The following GPI variants were observed in gnomAD, a reference collection of about 807,000 sequenced individuals.
GPI encodes glucose-6-phosphate isomerase, also known as D-hexose-6-phosphate anomerase.
GPI carries 56 observed loss-of-function variants against 75.8 expected under a neutral mutation model. That is an observed-to-expected ratio of 0.74 (90% CI 0.60 to 0.92). GPI has a LOEUF of 0.92. GPI is among the 40% of genes least tolerant of loss of function. GPI has a pLI of 0.00. For synonymous variants in GPI, 288 were observed against 285.4 expected (o/e 1.01, Z -0.09); for missense variants, 638 against 741.0 (o/e 0.86, Z 1.61).
chr19:34,366,570 T>A (rs1407668004), intron 2 of GPI, 135 bp downstream of exon 2: 2 of 779,134 alleles, frequency 2.6e-6, no homozygotes, highest in Non-Finnish European at 4.7e-6. Flanking sequence ...TCTGTGCTGG[T>A]GAGGCACCTG....
At chr19:34,365,485 C>T (rs2074346756) in intron 1 of GPI, 97 bp downstream of exon 1, 2 of 1,501,104 alleles carry the variant, frequency 1.3e-6, no homozygotes, top group Admixed American at 2.0e-5. Flanking sequence ...TGCCCGGGGA[C>T]CCCAGTCCCC....
intron 9 of GPI, chr19:34,392,711 A>G (rs770307975): frequency 9.3e-5 from 5 of 53,730 alleles, no homozygotes; most frequent in Non-Finnish European, 1.6e-4. Flanking sequence ...GTGTGCAGGT[A>G]TGAGGCCTTG....
chr19:34,362,209 C>T (rs149781826), upstream of GPI, among the ~76,000 whole-genome samples: 278 of 151,516 alleles, frequency 1.8e-3, 1 homozygote, highest in East Asian at 0.041. Context: ...ATTGCTTGAA[C>T]CTGGGAGGTG....
In GPI at chr19:34,392,912, T is replaced by A. The variant is rs1356621570; in HGVS notation, c.805-336T>A. On this transcript the variant is annotated intron_variant, in intron 9 of 17. Coordinates refer to ENST00000356487, the MANE Select transcript of GPI (RefSeq NM_000175.5). ...GAGGAGGTGGGCCCTGGCGCAGGTA[T>A]GAGGCCCTGGGTGTGTCCGTGTCTG... is the stretch of plus-strand genomic sequence containing the variant. 4 of 377,910 alleles carry A rather than the reference T, an allele frequency of 1.1e-5. No individual in the cohort carries two copies. In the Admixed American group the frequency reaches 1.2e-4, roughly 11 times the overall value. 23.4% of individuals were successfully genotyped at this position (377,910 alleles called of 1,614,324 possible).
At chr19:34,390,560 G>T (rs1433242682) in intron 9 of GPI, among the ~76,000 whole-genome samples, 1 of 152,160 alleles carries the variant, frequency 6.6e-6, no homozygotes, top group Non-Finnish European at 1.5e-5. Flanking sequence ...TCTGGTACAA[G>T]TATGAGGCCC....
chr19:34,364,904 G>C (rs977563277), upstream of GPI: 1 of 1,419,022 alleles, frequency 7.0e-7, no homozygotes, highest in African/African-American at 1.4e-5. Flanking sequence ...GGAGTGCAGC[G>C]GCGCGATGGT....
chr19:34,378,860 A>T, intron 6 of GPI, 74 bp from the exon 7 acceptor site: 3 of 1,098,178 alleles, frequency 2.7e-6, no homozygotes, highest in Non-Finnish European at 2.8e-6. Context: ...CTTGGCCTCT[A>T]CTGCTGAACC....
chr19:34,399,080 C>T (rs2074984352), intron 14 of GPI, 127 bp from the exon 15 acceptor site: 1 of 788,754 alleles, frequency 1.3e-6, no homozygotes, highest in African/African-American at 1.7e-5. Context: ...CCCCCTCGCT[C>T]CAACTGAGCT....
Position 34,377,604 on chromosome 19 carries a change from T to C in GPI, c.486+18T>C. The C allele has an allele frequency of 6.2e-7, 1 of 1,605,490 alleles. No homozygotes were observed. The highest frequency in any genetic ancestry group is 8.5e-7 in the Non-Finnish European group (1 of 1,172,406). ...CCGACCTGGTGAGGAGAAAACTGCC[T>C]TGGGGTAGGGTGGGAGTCTGGGCAC... On this transcript the variant is annotated intron_variant, in intron 5 of 17. Coordinates refer to ENST00000356487, the MANE Select transcript of GPI (RefSeq NM_000175.5).
At chr19:34,399,453 C>A in intron 15 of GPI, 103 bp from the exon 16 acceptor site, 2 of 1,562,580 alleles carry the variant, frequency 1.3e-6, no homozygotes, top group Non-Finnish European at 1.8e-6. Context: ...AGGGCCTGTC[C>A]TCACAGACCT....
intron 6 of GPI, 118 bp downstream of exon 6, chr19:34,377,999 G>C: frequency 3.9e-6 from 4 of 1,030,230 alleles, no homozygotes; most frequent in African/African-American, 1.6e-5. Context: ...AGTGAACCAT[G>C]GTTTGTGGAT....
intron 12 of GPI, among the ~76,000 whole-genome samples, chr19:34,395,523 CAG>C (rs1349734771): frequency 6.6e-6 from 1 of 152,146 alleles, no homozygotes; most frequent in East Asian, 1.9e-4. Context: ...GCCTGAGTGA[CAG>C]AGTGAGACTC....
intron 9 of GPI, among the ~76,000 whole-genome samples, chr19:34,382,699 G>A (rs8191394): frequency 1.3e-5 from 2 of 152,116 alleles, no homozygotes; most frequent in Admixed American, 1.3e-4. Flanking sequence ...GAGCCAAGCA[G>A]ATCGGGGTGT....
At chr19:34,374,719 T>G (rs1020979606) in intron 4 of GPI, among the ~76,000 whole-genome samples, 1 of 151,782 alleles carries the variant, frequency 6.6e-6, no homozygotes, top group African/African-American at 2.4e-5. Flanking sequence ...TCTTTCTTTT[T>G]TCTTTTTTTC....
At chr19:34,365,486 C>T (rs1292310988) in intron 1 of GPI, 98 bp downstream of exon 1, 7 of 1,497,158 alleles carry the variant, frequency 4.7e-6, no homozygotes, top group African/African-American at 2.8e-5. Flanking sequence ...GCCCGGGGAC[C>T]CCAGTCCCCG....
At chr19:34,379,808 C>T (rs1014331507) in intron 8 of GPI, 1 of 621,928 alleles carries the variant, frequency 1.6e-6, no homozygotes, top group African/African-American at 1.8e-5. Context: ...TTCCGTCTCC[C>T]AGGCCTGACT....
At position 34,399,908 on chromosome 19, in the gene GPI, C is replaced by T. The variant is rs1139454; in HGVS notation, c.1549C>T (p.Leu517=). The T allele has an allele frequency of 1.9e-6, 3 of 1,614,022 alleles. No individual in the cohort carries two copies. The highest frequency in any genetic ancestry group is 1.7e-6 in the Non-Finnish European group (2 of 1,180,000). ...CCCTTCCCTTCTTGGCAGAGTGGAG[C>T]TGGGAAAGCAGCTGGCTAAGAAAAT... ...INSFDQWGVE[L]GKQLAKKIEP... is the part of the protein sequence containing the mutation. The change falls in exon 18 of 18, where the codon CTG becomes TTG. Residue 517 remains leucine, a synonymous_variant. Transcript: ENST00000356487.
chr19:34,377,925 T>C (rs1169815711), intron 6 of GPI, 44 bp downstream of exon 6: 1 of 1,607,660 alleles, frequency 6.2e-7, no homozygotes. Flanking sequence ...CTGTGTGTGT[T>C]GGGGTGGGGA....
chr19:34,377,731 G>A lies in GPI; in HGVS notation c.487-4G>A, dbSNP rs755712210. On this transcript the variant is annotated splice_region_variant and splice_polypyrimidine_tract_variant and intron_variant, in intron 5 of 17. Transcript: ENST00000356487. Reference sequence around the variant, plus strand: ...TTATTCTCTGATGCTATGTCTCCCCGCAGGGACCCCTCATGGTGACTGAAG... The same window carrying A: ...TTATTCTCTGATGCTATGTCTCCCCACAGGGACCCCTCATGGTGACTGAAG... 15 of 1,613,658 alleles carry A rather than the reference G, an allele frequency of 9.3e-6. No individual in the cohort carries two copies. The highest frequency in any genetic ancestry group is 1.7e-5 in the Admixed American group (1 of 59,998).
Sources: gnomAD v4.1 joint callset for allele counts (sites outside exome capture counted in the v4.1 genomes callset) on GRCh38, gnomAD v4.1.1 for gene constraint, MANE v1.5 for transcripts, NCBI Gene and HGNC (gene_info 2026-07-23, HGNC 2026-07-21) for gene names.